Variants in CENPV observed in about 807,000 individuals in gnomAD.
The protein encoded by CENPV is nuclear protein p30.
CENPV carries 15 observed loss-of-function variants against 26.4 expected under a neutral mutation model. That is an observed-to-expected ratio of 0.57 (90% confidence interval 0.38 to 0.88). CENPV has a LOEUF of 0.88. Among genes scored for constraint, CENPV ranks in the 40% least tolerant of loss-of-function variants. The probability of loss-of-function intolerance (pLI) is 0.00; values close to 1 mark genes in which losing one functional copy is unlikely to be tolerated. For synonymous variants in CENPV, 172 were observed against 165.5 expected (o/e 1.04, Z -0.30); for missense variants, 336 against 376.5 (o/e 0.89, Z 0.89).
chr17:16,351,916 CA>C (rs1156393845), intron 1 of CENPV: 1 of 152,052 alleles, frequency 6.6e-6, no homozygotes, highest in African/African-American at 2.4e-5. Context: ...TATAGGTGCT[CA>C]AATGTTTGAT....
intron 4 of CENPV, 21 bp downstream of exon 4, chr17:16,344,576 C>A: frequency 7.0e-7 from 1 of 1,432,312 alleles, no homozygotes; most frequent in Non-Finnish European, 9.5e-7. Context: ...CCTGAGCTTG[C>A]AGTCCATCCC....
In CENPV at chr17:16,348,508, C is replaced by T. The variant is rs188837805; in HGVS notation, c.579+108G>A. ...AAAGCCCGTGAGAGGCCCTGCTATGCTCCAGGCCCCTCCCATGCTACAGAC... is the reference window on the plus strand; with the variant it reads ...AAAGCCCGTGAGAGGCCCTGCTATGTTCCAGGCCCCTCCCATGCTACAGAC... On this transcript the variant is annotated intron_variant, in intron 3 of 4. Transcript: ENST00000299736. 1,967 of 1,569,844 alleles carry T rather than the reference C, an allele frequency of 1.3e-3. 27 individuals are homozygous for T. The African/African-American group carries it at 0.023, about 19-fold the overall frequency.
chr17:16,343,394 G>A (rs367847065), intron 4 of CENPV, among the ~76,000 whole-genome samples: 2 of 152,162 alleles, frequency 1.3e-5, no homozygotes, highest in Non-Finnish European at 2.9e-5. Context: ...GTACAATGGC[G>A]TGATCTTGAC....
chr17:16,345,261 C>CA (rs1180328905), intron 3 of CENPV, among the ~76,000 whole-genome samples: 1,341 of 44,628 alleles, frequency 0.03, 24 homozygotes, highest in African/African-American at 0.057. Flanking sequence ...GACTCCGTCT[C>CA]AAAAAAAAAA....
At chr17:16,349,542 T>C (rs3112528) in intron 2 of CENPV, 980,542 of 995,960 alleles carry the variant, frequency 0.98, 483,156 homozygotes, top group Non-Finnish European at 0.99. Context: ...ATACACCCTT[T>C]ACTAACATAC....
chr17:16,344,352 T>C (rs2093195545), intron 4 of CENPV: 1 of 269,998 alleles, frequency 3.7e-6, no homozygotes, highest in Non-Finnish European at 6.9e-6. Flanking sequence ...TGAATAAGAA[T>C]CACAACCTGG....
intron 4 of CENPV, among the ~76,000 whole-genome samples, chr17:16,343,538 G>A (rs1239040087): frequency 2.0e-5 from 3 of 152,166 alleles, no homozygotes; most frequent in Admixed American, 2.0e-4. Context: ...CTCCATGTTG[G>A]TTAGGCTGGT....
chr17:16,350,277 A>G (rs993398387), intron 1 of CENPV, among the ~76,000 whole-genome samples: 1 of 152,168 alleles, frequency 6.6e-6, no homozygotes, highest in Admixed American at 6.5e-5. Flanking sequence ...AAACATTCCA[A>G]ACATTTCGAA....
At chr17:16,352,516 C>A (rs763368054) in intron 1 of CENPV, among the ~76,000 whole-genome samples, 13 of 152,168 alleles carry the variant, frequency 8.5e-5, no homozygotes, top group Non-Finnish European at 1.6e-4. Context: ...GTGCCTGGAA[C>A]AATGACGGGA....
At chr17:16,343,178 G>C (rs568750228) in intron 4 of CENPV, among the ~76,000 whole-genome samples, 3 of 152,352 alleles carry the variant, frequency 2.0e-5, no homozygotes, top group Admixed American at 6.5e-5. Context: ...TCAACTGCCA[G>C]ATGGGAATCA....
In CENPV at chr17:16,353,343, AGGCAGC is replaced by A. The variant is rs1168017963; in HGVS notation, c.88_93del (p.Ala30_Ala31del). The A allele has an allele frequency of 1.5e-6, 2 of 1,317,360 alleles. No individual in the cohort carries two copies. The highest frequency in any genetic ancestry group is 1.9e-6 in the Non-Finnish European group (2 of 1,033,542). 81.6% of individuals were successfully genotyped at this position (1,317,360 alleles called of 1,614,324 possible). A position where few individuals can be genotyped will look rare whatever the true frequency, so the allele number is the denominator to read the frequency against. ...CGTGTGCGGGTGGCGCTGGGTGCCA[AGGCAGC>A]GGCCGCGGAGGCCGCGGGGGCCGCG... On this transcript the variant is annotated inframe_deletion, in exon 1 of 5. Coordinates refer to ENST00000299736, the MANE Select transcript of CENPV (RefSeq NM_181716.3).
Position 16,348,663 on chromosome 17 carries a change from GCTT to G in CENPV, c.529_531del (p.Lys177del). 1.9e-6 allele frequency: 3 copies of G among 1,614,030 alleles called. No individual in the cohort carries two copies. The highest frequency in any genetic ancestry group is 2.5e-6 in the Non-Finnish European group (3 of 1,179,930). ...GCTGGAACAATGAAGTGTCTATTCTGCTTCTTCTTGCAAATGCTGCAACTACAG... is the reference window on the plus strand; with the variant it reads ...GCTGGAACAATGAAGTGTCTATTCTGCTTCTTGCAAATGCTGCAACTACAG... On this transcript the variant is annotated inframe_deletion, in exon 3 of 5. Coordinates refer to ENST00000299736, the MANE Select transcript of CENPV (RefSeq NM_181716.3).
Position 16,347,328 on chromosome 17 carries a change from C to T in CENPV, c.579+1288G>A, listed in dbSNP as rs1266928722. ...AGAATTGTGCTTCCTATAGAAATAG[C>T]TCCCTGAGGAGCCTTGCTCACTCCA... On this transcript the variant is annotated intron_variant, in intron 3 of 4. Transcript: ENST00000299736. 1.3e-5 allele frequency among the ~76,000 whole-genome samples: 2 copies of T among 152,132 alleles called. 1 individual carries two copies. Among genetic ancestry groups the T allele is most frequent in the Non-Finnish European group, 2.9e-5 (2 of 68,036 alleles).
intron 4 of CENPV, 95 bp from the exon 5 acceptor site, chr17:16,343,036 A>G: frequency 1.4e-6 from 2 of 1,390,458 alleles, no homozygotes; most frequent in Non-Finnish European, 2.0e-6. Context: ...TGCAGGCATC[A>G]TCACGCTACA....
rs370153041 is a variant in CENPV at position 16,352,628 on chromosome 17, A to G, written c.410+399T>C. Reference sequence around the variant, plus strand: ...AACACGTGTGCAAACACAAAAAAAAAGGGGATTCGGGTAAGAGAAAGCCGT... The same window carrying G: ...AACACGTGTGCAAACACAAAAAAAAGGGGGATTCGGGTAAGAGAAAGCCGT... On this transcript the variant is annotated intron_variant, in intron 1 of 4. Transcript: ENST00000299736. Among the ~76,000 whole-genome samples, 432 of 152,246 alleles carry G rather than the reference A, an allele frequency of 2.8e-3. 3 individuals carry two copies. The highest frequency in any genetic ancestry group is 9.6e-3 in the African/African-American group (401 of 41,564).
intron 3 of CENPV, chr17:16,347,753 G>C (rs929910740): frequency 1.3e-5 from 2 of 152,202 alleles, no homozygotes; most frequent in Non-Finnish European, 1.5e-5. Flanking sequence ...GGGGAAGAGG[G>C]AGACTGGGGC....
chr17:16,349,304 G>C (rs2093220016), intron 2 of CENPV: 1 of 986,104 alleles, frequency 1.0e-6, no homozygotes, highest in Non-Finnish European at 1.2e-6. Flanking sequence ...TCCATCGTAT[G>C]TGCTTATTAT....
intron 1 of CENPV, chr17:16,350,707 G>A (rs1284326733): frequency 6.6e-6 from 1 of 152,046 alleles, no homozygotes; most frequent in Non-Finnish European, 1.5e-5. Flanking sequence ...CAGCAGACAC[G>A]ATTGCTACCC....
At chr17:16,352,387 C>G (rs1202040190) in intron 1 of CENPV, among the ~76,000 whole-genome samples, 1 of 152,188 alleles carries the variant, frequency 6.6e-6, no homozygotes, top group African/African-American at 2.4e-5. Flanking sequence ...CATTAGCTGG[C>G]TGAGCACATA....
Sources: allele counts gnomAD v4.1 joint callset (sites outside exome capture counted in the v4.1 genomes callset), GRCh38; gene constraint gnomAD v4.1.1; transcripts MANE v1.5; gene names NCBI Gene and HGNC (gene_info 2026-07-23, HGNC 2026-07-21).